TMEM132C: variants seen among roughly 807,000 people sequenced by gnomAD.
TMEM132C encodes the protein transmembrane protein 132C.
TMEM132C carries 29 observed loss-of-function variants against 61.4 expected under a neutral mutation model. The observed-to-expected ratio is 0.47, with a 90% confidence interval of 0.35 to 0.64. The LOEUF is 0.64. TMEM132C is among the 30% of genes least tolerant of loss of function. TMEM132C has a pLI of 0.00. For missense variants in TMEM132C, 1,408 were observed against 1,476.9 expected (o/e 0.95, Z 0.76); for synonymous variants, 656 against 633.1 (o/e 1.04, Z -0.54).
intron 2 of TMEM132C, among the ~76,000 whole-genome samples, chr12:128,529,754 C>G (rs185792687): frequency 2.6e-5 from 4 of 151,946 alleles, no homozygotes; most frequent in Non-Finnish European, 5.9e-5. Context: ...CCACTGCACT[C>G]CAGCCTGGGT....
chr12:128,630,236 A>G lies in TMEM132C; in HGVS notation c.1305+13901A>G, dbSNP rs1954055210. Among the ~76,000 whole-genome samples, 1 of 152,112 alleles carries G rather than the reference A, an allele frequency of 6.6e-6. No homozygotes were observed. Among genetic ancestry groups the G allele is most frequent in the African/African-American group, 2.4e-5 (1 of 41,438 alleles). On this transcript the variant is annotated intron_variant, in intron 4 of 8. Transcript: ENST00000435159. The surrounding 1 kb of genome is among the most constrained non-coding windows in gnomAD (Gnocchi z 4.3). Reference sequence around the variant, plus strand: ...AAGCTCCAGGGACCCCACTTTGAGAAGCACTGCCCTGGGTCCAGGGTTGCC... The same window carrying G: ...AAGCTCCAGGGACCCCACTTTGAGAGGCACTGCCCTGGGTCCAGGGTTGCC...
At position 128,705,510 on chromosome 12, in the gene TMEM132C, C is replaced by T. The variant is rs772510769; in HGVS notation, c.2542C>T (p.Arg848Cys). Residue 848 changes from arginine to cysteine, a missense_variant, in exon 9 of 9, where the codon CGT (arginine) becomes TGT (cysteine). By Grantham distance (180) the Arg-to-Cys change is radical. Transcript: ENST00000435159. Reference sequence around the variant, plus strand: ...CCTCTATGGCAGCTCTCCCGTGGAGCGTGAGGAAGGGGCTCTCCGAAGAGC... The same window carrying T: ...CCTCTATGGCAGCTCTCCCGTGGAGTGTGAGGAAGGGGCTCTCCGAAGAGC... ...GHLYGSSPVE[R>C]EEGALRRATT... The T allele has an allele frequency of 1.2e-4, 186 of 1,550,784 alleles. No homozygotes were observed. The highest frequency in any genetic ancestry group is 1.6e-4 in the Non-Finnish European group (178 of 1,146,960).
intron 2 of TMEM132C, among the ~76,000 whole-genome samples, chr12:128,420,189 T>C (rs1231919082): frequency 6.6e-6 from 1 of 152,050 alleles, no homozygotes; most frequent in Non-Finnish European, 1.5e-5. Flanking sequence ...AGAGTGACAC[T>C]CTGTCTCAAA....
At chr12:128,300,573 A>G (rs1871563142) in intron 1 of TMEM132C, among the ~76,000 whole-genome samples, 1 of 152,118 alleles carries the variant, frequency 6.6e-6, no homozygotes, top group Admixed American at 6.5e-5. Flanking sequence ...AGCCTATGAG[A>G]GGACACCAAG....
At chr12:128,665,754 CAT>C (rs1954457317) in intron 4 of TMEM132C, among the ~76,000 whole-genome samples, 1 of 142,850 alleles carries the variant, frequency 7.0e-6, no homozygotes, top group Non-Finnish European at 1.5e-5. Context: ...CACCCAGGCA[CAT>C]GTACTCATAA....
chr12:128,393,902 C>T (rs1287724505), intron 1 of TMEM132C, among the ~76,000 whole-genome samples: 1 of 152,242 alleles, frequency 6.6e-6, no homozygotes, highest in Non-Finnish European at 1.5e-5. Context: ...TTTTGTAGCT[C>T]CCGGCCTGGA....
intron 2 of TMEM132C, among the ~76,000 whole-genome samples, chr12:128,435,951 A>T (rs919844050): frequency 1.3e-5 from 2 of 152,194 alleles, no homozygotes; most frequent in East Asian, 1.9e-4. Context: ...CAAATCAGAG[A>T]TATAGACCAA....
At chr12:128,413,077 T>C (rs1000352483) in intron 1 of TMEM132C, among the ~76,000 whole-genome samples, 1 of 152,014 alleles carries the variant, frequency 6.6e-6, no homozygotes, top group Non-Finnish European at 1.5e-5. Context: ...GGCAGGTGGA[T>C]CATGAGGTCA....
intron 1 of TMEM132C, among the ~76,000 whole-genome samples, chr12:128,356,371 A>G (rs771970794): frequency 2.0e-5 from 3 of 152,212 alleles, no homozygotes; most frequent in Non-Finnish European, 4.4e-5. Flanking sequence ...ACACGAACCT[A>G]ACCTATTCTC....
At chr12:128,681,654 CT>C (rs5801810) in intron 5 of TMEM132C, among the ~76,000 whole-genome samples, 56,039 of 131,052 alleles carry the variant, frequency 0.43, 11,594 homozygotes, top group Admixed American at 0.46. Flanking sequence ...CAGACTGTAT[CT>C]TTTTTTTTTT....
Position 128,345,796 on chromosome 12 carries a change from AG to A in TMEM132C, c.86-68935del, listed in dbSNP as rs567187357. ...TTTTCTTGTAAATTTGTTTAAGTTC[AG>A]ATGCATAGTTTGCAAATATTTTCTC... On this transcript the variant is annotated intron_variant, in intron 1 of 8. Coordinates refer to ENST00000435159, the MANE Select transcript of TMEM132C (RefSeq NM_001136103.3). Among the ~76,000 whole-genome samples, 195 of 151,892 alleles carry A rather than the reference AG, an allele frequency of 1.3e-3. 1 individual carries two copies. The highest frequency in any genetic ancestry group is 2.0e-3 in the Non-Finnish European group (134 of 67,840).
chr12:128,475,782 T>A (rs527237018), intron 2 of TMEM132C, among the ~76,000 whole-genome samples: 1 of 152,278 alleles, frequency 6.6e-6, no homozygotes, highest in East Asian at 1.9e-4. Context: ...GGGTTCTGTG[T>A]GTAACTTCAC....
chr12:128,292,616 G>A (rs760991404), intron 1 of TMEM132C, among the ~76,000 whole-genome samples: 8 of 135,264 alleles, frequency 5.9e-5, no homozygotes, highest in Admixed American at 7.4e-5. Flanking sequence ...ATAAGTGTCT[G>A]TTAAGTGTAC....
intron 2 of TMEM132C, among the ~76,000 whole-genome samples, chr12:128,462,725 A>C (rs1441579824): frequency 6.6e-6 from 1 of 152,172 alleles, no homozygotes; most frequent in Non-Finnish European, 1.5e-5. Context: ...AAATGTCCAC[A>C]GGCCCATATA....
intron 2 of TMEM132C, among the ~76,000 whole-genome samples, chr12:128,539,508 C>G (rs541478539): frequency 2.0e-4 from 30 of 152,260 alleles, no homozygotes; most frequent in African/African-American, 6.7e-4. Flanking sequence ...GTCCCAGCTA[C>G]CCGGGAGGCT....
chr12:128,428,862 G>T lies in TMEM132C; in HGVS notation c.974+13242G>T, dbSNP rs79306069. On this transcript the variant is annotated intron_variant, in intron 2 of 8. Transcript: ENST00000435159. Reference sequence around the variant, plus strand: ...ATGATAACAGTAACACCAGCTCAGGGTTATTGTGAGACTTCAGTAAGATAA... The same window carrying T: ...ATGATAACAGTAACACCAGCTCAGGTTTATTGTGAGACTTCAGTAAGATAA... 4.9e-3 allele frequency among the ~76,000 whole-genome samples: 745 copies of T among 152,284 alleles called. 8 individuals carry two copies. The highest frequency in any genetic ancestry group is 0.017 in the African/African-American group (699 of 41,552).
intron 1 of TMEM132C, among the ~76,000 whole-genome samples, chr12:128,383,022 G>A (rs1874457927): frequency 1.3e-5 from 2 of 152,074 alleles, no homozygotes; most frequent in Non-Finnish European, 2.9e-5. Flanking sequence ...GTGTATCTGT[G>A]TGTATGCATG....
At chr12:128,331,300 T>C (rs570042043) in intron 1 of TMEM132C, among the ~76,000 whole-genome samples, 1 of 152,382 alleles carries the variant, frequency 6.6e-6, no homozygotes, top group South Asian at 2.1e-4. Context: ...TTATCTATTC[T>C]AATTGTTTTA....
rs746899005 is a variant in TMEM132C, at chr12:128,695,857, C to T, written c.1683C>T (p.Asp561=). 3.9e-5 allele frequency: 61 copies of T among 1,549,840 alleles called. No homozygotes were observed. Among genetic ancestry groups the T allele is most frequent in the Non-Finnish European group, 1.4e-5 (16 of 1,146,140 alleles). ...CCACTCGTGAGAGCGAGGATGAGGA[C>T]GAGGAGGAGCGGCGGGGCCGGGGCT... ...KRPTRESEDE[D]EEERRGRGCA... Residue 561 remains aspartate, a synonymous_variant, in exon 7 of 9, where the codon GAC becomes GAT. Coordinates refer to ENST00000435159, the MANE Select transcript of TMEM132C (RefSeq NM_001136103.3).
Sources: gnomAD v4.1 joint callset for allele counts (sites outside exome capture counted in the v4.1 genomes callset) on GRCh38, gnomAD v4.1.1 for gene constraint, Gnocchi (gnomAD v3.1) non-coding constraint, MANE v1.5 for transcripts, NCBI Gene and HGNC (gene_info 2026-07-23, HGNC 2026-07-21) for gene names.